The following SLC22A3 variants were observed in gnomAD, a reference collection of about 807,000 sequenced individuals.
SLC22A3 encodes the protein solute carrier family 22 member 3.
A neutral mutation model predicts 59.1 loss-of-function variants in SLC22A3; 51 were observed. That is an observed-to-expected ratio of 0.86 (90% CI 0.69 to 1.09). SLC22A3 has a LOEUF of 1.09. Ranked by LOEUF, SLC22A3 falls within the 50% of genes least tolerant of loss-of-function variation. The probability of loss-of-function intolerance (pLI) is 0.00; values close to 1 mark genes in which losing one functional copy is unlikely to be tolerated. For synonymous variants in SLC22A3, 325 were observed against 292.0 expected (o/e 1.11, Z -1.15); for missense variants, 711 against 726.3 (o/e 0.98, Z 0.24).
chr6:160,359,372 G>A (rs971821948), intron 1 of SLC22A3, among the ~76,000 whole-genome samples: 1 of 152,272 alleles, frequency 6.6e-6, no homozygotes, highest in East Asian at 1.9e-4. Context: ...CTTAATTTAC[G>A]AAAGTAGTTT....
Position 160,416,380 on chromosome 6 carries a change from A to G in SLC22A3, c.975+5534A>G, listed in dbSNP as rs192854076. Among the ~76,000 whole-genome samples the G allele has an allele frequency of 1.6e-4, 25 of 152,288 alleles. No individual in the cohort carries two copies. The East Asian group carries it at 4.4e-3, about 27-fold the overall frequency. ...ATTTTAAGCAGTAGGTAGTTACCCA[A>G]TGTAGAACGAGGATTAGCTTAGACA... On this transcript the variant is annotated intron_variant, in intron 5 of 10. Coordinates refer to ENST00000275300, the MANE Select transcript of SLC22A3 (RefSeq NM_021977.4).
intron 9 of SLC22A3, among the ~76,000 whole-genome samples, chr6:160,446,553 C>T (rs1011319904): frequency 7.2e-5 from 11 of 152,110 alleles, no homozygotes; most frequent in African/African-American, 2.7e-4. Flanking sequence ...CATGGGAACT[C>T]ACTCACTATC....
In SLC22A3 at chr6:160,348,783, G is replaced by C. The variant is rs1436860742; in HGVS notation, c.364G>C (p.Ala122Pro). The change falls in exon 1 of 11, where the codon GCT becomes CCT. Residue 122 changes from alanine to proline, a missense_variant. Coordinates refer to ENST00000275300, the MANE Select transcript of SLC22A3 (RefSeq NM_021977.4). ...ACTCGCCGCCTTCCCCAACCGCTCGGCTCCCCTTGTGCCGTGCCGCGGCGG... is the reference window on the plus strand; with the variant it reads ...ACTCGCCGCCTTCCCCAACCGCTCGCCTCCCCTTGTGCCGTGCCGCGGCGG... ...DPLAAFPNRSAPLVPCRGGWR... is the reference protein window; with the variant it reads ...DPLAAFPNRSPPLVPCRGGWR... 2 of 1,565,612 alleles carry C rather than the reference G, an allele frequency of 1.3e-6. No homozygotes were observed. Among genetic ancestry groups the C allele is most frequent in the Admixed American group, 1.8e-5 (1 of 56,254 alleles).
chr6:160,432,249 C>T (rs1436603770), intron 5 of SLC22A3, among the ~76,000 whole-genome samples: 2 of 152,074 alleles, frequency 1.3e-5, no homozygotes, highest in Non-Finnish European at 2.9e-5. Flanking sequence ...CTAATCAGGC[C>T]TCCCGCTACA....
chr6:160,399,863 G>C (rs1423977781), intron 2 of SLC22A3, among the ~76,000 whole-genome samples: 2 of 151,996 alleles, frequency 1.3e-5, no homozygotes, highest in African/African-American at 4.8e-5. Context: ...AGATTACAGG[G>C]CAAACTACTA....
At chr6:160,448,941 C>G (rs1172773152) in intron 10 of SLC22A3, among the ~76,000 whole-genome samples, 1 of 152,092 alleles carries the variant, frequency 6.6e-6, no homozygotes, top group Non-Finnish European at 1.5e-5. Flanking sequence ...AAAAAGCAAT[C>G]TTAATAATGA....
At chr6:160,371,646 A>G (rs1315947696) in intron 1 of SLC22A3, among the ~76,000 whole-genome samples, 1 of 152,202 alleles carries the variant, frequency 6.6e-6, no homozygotes, top group Non-Finnish European at 1.5e-5. Context: ...ATAAACATAC[A>G]TGTGCAGCGT....
intron 1 of SLC22A3, among the ~76,000 whole-genome samples, chr6:160,396,157 G>T (rs932517430): frequency 8.5e-5 from 13 of 152,124 alleles, no homozygotes; most frequent in African/African-American, 3.1e-4. Flanking sequence ...TTCCCACTTT[G>T]CAAAATTAAT....
At chr6:160,375,238 GA>G (rs1785548150) in intron 1 of SLC22A3, among the ~76,000 whole-genome samples, 1 of 152,160 alleles carries the variant, frequency 6.6e-6, no homozygotes, top group Non-Finnish European at 1.5e-5. Context: ...TTGCCTTCCT[GA>G]AATGCCCCAC....
intron 5 of SLC22A3, among the ~76,000 whole-genome samples, chr6:160,420,941 C>T (rs867158164): frequency 2.0e-5 from 3 of 152,186 alleles, no homozygotes; most frequent in Non-Finnish European, 1.5e-5. Context: ...GCCAGGCTTC[C>T]CCTTTCTTTC....
At chr6:160,418,926 T>C (rs2114877757) in intron 5 of SLC22A3, among the ~76,000 whole-genome samples, 1 of 152,324 alleles carries the variant, frequency 6.6e-6, no homozygotes, top group East Asian at 1.9e-4. Flanking sequence ...ACTTATGTAT[T>C]GTTTATAGTG....
At chr6:160,444,257 G>C (rs1255375546) in intron 9 of SLC22A3, among the ~76,000 whole-genome samples, 1 of 152,172 alleles carries the variant, frequency 6.6e-6, no homozygotes, top group Non-Finnish European at 1.5e-5. Context: ...TGTAGTCCAA[G>C]CTACTCAGGA....
At chr6:160,364,592 T>C (rs996082546) in intron 1 of SLC22A3, among the ~76,000 whole-genome samples, 1 of 152,234 alleles carries the variant, frequency 6.6e-6, no homozygotes, top group Non-Finnish European at 1.5e-5. Context: ...AAAGGGAGGC[T>C]ATCAAAACCT....
In SLC22A3 at chr6:160,362,407, T is replaced by G. The variant is rs560146484; in HGVS notation, c.429+13559T>G. Among the ~76,000 whole-genome samples, 4 of 152,346 alleles carry G rather than the reference T, an allele frequency of 2.6e-5. No individual in the cohort carries two copies. The East Asian group carries it at 7.7e-4, about 29-fold the overall frequency. ...AAGGTAGCAGACGTGTAGAAAACCCTCTGCGAGACTCTGCTCTGGCAGTTT... is the reference window on the plus strand; with the variant it reads ...AAGGTAGCAGACGTGTAGAAAACCCGCTGCGAGACTCTGCTCTGGCAGTTT... On this transcript the variant is annotated intron_variant, in intron 1 of 10. Transcript: ENST00000275300.
In SLC22A3 at chr6:160,348,532, G is replaced by A. The variant is rs1389851648; in HGVS notation, c.113G>A (p.Gly38Asp). Reference protein sequence around the residue: ...TGVTFAFLFVGVVFLGTQPDH... With the variant: ...TGVTFAFLFVDVVFLGTQPDH... ...GTCACCTTCGCCTTCCTCTTCGTCG[G>A]CGTGGTCTTCCTGGGCACGCAGCCC... The change falls in exon 1 of 11, where the codon GGC becomes GAC. Residue 38 changes from glycine (G) to aspartate (D), a missense_variant. Physicochemically the swap from Gly to Asp is moderately conservative, Grantham distance 94 (BLOSUM62 -1). Coordinates refer to ENST00000275300, the MANE Select transcript of SLC22A3 (RefSeq NM_021977.4). 2 of 1,563,800 alleles carry A rather than the reference G, an allele frequency of 1.3e-6. No individual in the cohort carries two copies. The highest frequency in any genetic ancestry group is 1.8e-5 in the Admixed American group (1 of 56,210).
At chr6:160,398,149 G>A in intron 2 of SLC22A3, 67 bp downstream of exon 2, 1 of 1,180,098 alleles carries the variant, frequency 8.5e-7, no homozygotes, top group South Asian at 1.2e-5. Flanking sequence ...GGAGAAAAAT[G>A]TTTTATGTTA....
intron 1 of SLC22A3, among the ~76,000 whole-genome samples, chr6:160,361,914 T>C (rs1448386520): frequency 1.3e-5 from 2 of 152,212 alleles, no homozygotes; most frequent in African/African-American, 4.8e-5. Context: ...AGCTTTCCCC[T>C]TCTAATACTA....
chr6:160,348,413 G>GCGGCGGT lies in SLC22A3; in HGVS notation c.-5_-4insGCGGTCG. ...GCGGGCTGCGGGCGGCGGGCGGCGG[G>GCGGCGGT]CGCACCATGCCCTCCTTCGACGAGG... On this transcript the variant is annotated 5_prime_UTR_variant, in exon 1 of 11. Coordinates refer to ENST00000275300, the MANE Select transcript of SLC22A3 (RefSeq NM_021977.4). 6.9e-7 allele frequency: 1 copy of GCGGCGGT among 1,452,874 alleles called. No individual in the cohort carries two copies. The allele number at this position is 1,452,874 out of a possible 1,614,324, so 90.0% of individuals were successfully genotyped here.
intron 1 of SLC22A3, among the ~76,000 whole-genome samples, chr6:160,378,422 C>T (rs1562475680): frequency 6.6e-6 from 1 of 152,250 alleles, no homozygotes; most frequent in East Asian, 1.9e-4. Flanking sequence ...TTAAAAGGTA[C>T]ACGTGTTACT....
Sources: allele counts gnomAD v4.1 joint callset (sites outside exome capture counted in the v4.1 genomes callset), GRCh38; gene constraint gnomAD v4.1.1; transcripts MANE v1.5; gene names NCBI Gene and HGNC (gene_info 2026-07-23, HGNC 2026-07-21).